BCAS3: variants seen among roughly 807,000 people sequenced by gnomAD.
BCAS3 encodes BCAS4/BCAS3 fusion.
BCAS3 carries 53 observed loss-of-function variants against 116.1 expected under a neutral mutation model. That is an observed-to-expected ratio of 0.46 (90% CI 0.37 to 0.57). The LOEUF (loss-of-function observed/expected upper bound fraction) is 0.57. Ranked by LOEUF, BCAS3 falls within the 20% of genes least tolerant of loss-of-function variation. BCAS3 has a pLI of 0.00. For missense variants in BCAS3, 917 were observed against 1,165.4 expected (o/e 0.79, Z 3.10); for synonymous variants, 391 against 408.2 (o/e 0.96, Z 0.51).
intron 23 of BCAS3, chr17:61,389,418 G>C (rs1190838098): frequency 6.6e-6 from 1 of 152,506 alleles, no homozygotes; most frequent in African/African-American, 2.4e-5. Context: ...TTCAGACCTT[G>C]CCCTGGGAAC....
chr17:61,222,144 T>G lies in BCAS3; in HGVS notation c.2425+137580T>G, dbSNP rs1020106647. Among the ~76,000 whole-genome samples the G allele has an allele frequency of 6.6e-6, 1 of 152,138 alleles. No homozygotes were observed. The highest frequency in any genetic ancestry group is 6.5e-5 in the Admixed American group (1 of 15,282). On this transcript the variant is annotated intron_variant, in intron 22 of 23. Transcript: ENST00000407086. This position sits in a 1 kb window ranked among gnomAD's most constrained non-coding sequence, Gnocchi z 6.1. ...AGTCATGCCGACATAGATACAAATA[T>G]AGAGAACATATAGTGGCAGAATAAA...
Position 61,326,027 on chromosome 17 carries a change from A to C in BCAS3, c.2426-42300A>C, listed in dbSNP as rs992996198. Reference sequence around the variant, plus strand: ...TTTGTTTGGCATCCATCAAATCTCTATAAATGCTAACTGTGTGTGCTATTA... The same window carrying C: ...TTTGTTTGGCATCCATCAAATCTCTCTAAATGCTAACTGTGTGTGCTATTA... On this transcript the variant is annotated intron_variant, in intron 22 of 23. Coordinates refer to ENST00000407086, the MANE Select transcript of BCAS3 (RefSeq NM_017679.5). This position sits in a 1 kb window ranked among gnomAD's most constrained non-coding sequence, Gnocchi z 5.3. Among the ~76,000 whole-genome samples, 1 of 152,236 alleles carries C rather than the reference A, an allele frequency of 6.6e-6. No individual in the cohort carries two copies. The highest frequency in any genetic ancestry group is 1.5e-5 in the Non-Finnish European group (1 of 68,042).
At position 61,363,920 on chromosome 17, in the gene BCAS3, A is replaced by C. The variant is rs1306072795; in HGVS notation, c.2426-4407A>C. On this transcript the variant is annotated intron_variant, in intron 22 of 23. Coordinates refer to ENST00000407086, the MANE Select transcript of BCAS3 (RefSeq NM_017679.5). This position sits in a 1 kb window ranked among gnomAD's most constrained non-coding sequence, Gnocchi z 4.9. ...TTTCCAAGAGCCCAGAGATGACCTC[A>C]CCCTCCAAGGGCTTGGCCTCTTCAC... Among the ~76,000 whole-genome samples the C allele has an allele frequency of 1.3e-5, 2 of 152,090 alleles. No homozygotes were observed. Among genetic ancestry groups the C allele is most frequent in the Non-Finnish European group, 1.5e-5 (1 of 68,016 alleles).
rs757211356 is a variant in BCAS3, at chr17:61,204,266, A to T, written c.2425+119702A>T. ...TATTTGTGCTAAACCAAATTCTCCT[A>T]CAAGGTATTGCTCTGTATTCAAATG... On this transcript the variant is annotated intron_variant, in intron 22 of 23. Coordinates refer to ENST00000407086, the MANE Select transcript of BCAS3 (RefSeq NM_017679.5). The surrounding 1 kb of genome is among the most constrained non-coding windows in gnomAD (Gnocchi z 4.2). 6.6e-5 allele frequency among the ~76,000 whole-genome samples: 10 copies of T among 152,186 alleles called. No homozygotes were observed. The highest frequency in any genetic ancestry group is 1.0e-4 in the Non-Finnish European group (7 of 68,030).
At chr17:61,329,253 C>T (rs2056010333) in intron 22 of BCAS3, among the ~76,000 whole-genome samples, 1 of 151,988 alleles carries the variant, frequency 6.6e-6, no homozygotes, top group Admixed American at 6.6e-5. Flanking sequence ...AAATGTGCCC[C>T]ACCGCCAAAT....
chr17:60,748,886 A>G (rs2042217175), intron 6 of BCAS3: 1 of 152,172 alleles, frequency 6.6e-6, no homozygotes, highest in Non-Finnish European at 1.5e-5. Flanking sequence ...TTATGATTTG[A>G]ACAAATTACT....
intron 4 of BCAS3, among the ~76,000 whole-genome samples, chr17:60,697,518 G>A (rs1208783043): frequency 6.6e-6 from 1 of 151,404 alleles, no homozygotes; most frequent in Admixed American, 6.6e-5. Context: ...AGGAGGTGGA[G>A]GTTGCAGTGA....
intron 6 of BCAS3, among the ~76,000 whole-genome samples, chr17:60,789,152 C>A (rs976625344): frequency 6.6e-6 from 1 of 152,116 alleles, no homozygotes; most frequent in Non-Finnish European, 1.5e-5. Context: ...TGCATAAAAT[C>A]TTCACATTGA....
Position 61,011,141 on chromosome 17 carries a change from G to A in BCAS3, c.1487-4610G>A, listed in dbSNP as rs901589584. Among the ~76,000 whole-genome samples, 5 of 149,362 alleles carry A rather than the reference G, an allele frequency of 3.3e-5. No homozygotes were observed. The East Asian group carries it at 9.7e-4, about 29-fold the overall frequency. ...CTCTGTTCTTTTTCATTGTACTCAT[G>A]CAATAAAGGAAAAAATAGAAGAGTA... On this transcript the variant is annotated intron_variant, in intron 15 of 23. Coordinates refer to ENST00000407086, the MANE Select transcript of BCAS3 (RefSeq NM_017679.5).
Position 61,381,930 on chromosome 17 carries a change from A to G in BCAS3, c.2594-10047A>G, listed in dbSNP as rs1671864552. ...ATCCCCAACTGGTCATCCTCTCCCC[A>G]ACCTTCATTGGTCTCTGGGTAGCAG... On this transcript the variant is annotated intron_variant, in intron 23 of 23. Transcript: ENST00000407086. This position sits in a 1 kb window ranked among gnomAD's most constrained non-coding sequence, Gnocchi z 6.0. Among the ~76,000 whole-genome samples, 1 of 152,146 alleles carries G rather than the reference A, an allele frequency of 6.6e-6. No homozygotes were observed. The highest frequency in any genetic ancestry group is 1.5e-5 in the Non-Finnish European group (1 of 68,024).
chr17:61,234,570 C>T (rs1184243142), intron 22 of BCAS3, among the ~76,000 whole-genome samples: 1 of 152,146 alleles, frequency 6.6e-6, no homozygotes, highest in Non-Finnish European at 1.5e-5. Flanking sequence ...CTTTGGTGGG[C>T]TTCCCTCTAG....
At chr17:60,890,452 C>T (rs1175653622) in intron 10 of BCAS3, among the ~76,000 whole-genome samples, 2 of 147,198 alleles carry the variant, frequency 1.4e-5, no homozygotes, top group South Asian at 4.3e-4. Flanking sequence ...GACCCTGTCT[C>T]AAAAAAGGAA....
Position 60,709,333 on chromosome 17 carries a change from C to T in BCAS3, c.321+8C>T, listed in dbSNP as rs2037563183. ...CAGGTCTGGAGCATCCCTGTAAGTACACATGTGGTTGAATACCTAAAACAT... is the reference window on the plus strand; with the variant it reads ...CAGGTCTGGAGCATCCCTGTAAGTATACATGTGGTTGAATACCTAAAACAT... On this transcript the variant is annotated splice_region_variant and intron_variant, in intron 5 of 23. Coordinates refer to ENST00000407086, the MANE Select transcript of BCAS3 (RefSeq NM_017679.5). 1 of 1,497,488 alleles carries T rather than the reference C, an allele frequency of 6.7e-7. No individual in the cohort carries two copies. Among genetic ancestry groups the T allele is most frequent in the East Asian group, 2.3e-5 (1 of 44,276 alleles). The allele number at this position is 1,497,488 out of a possible 1,614,324, so 92.8% of individuals were successfully genotyped here. A position where few individuals can be genotyped will look rare whatever the true frequency, so the allele number is the denominator to read the frequency against.
At position 61,344,916 on chromosome 17, in the gene BCAS3, T is replaced by TAC. The variant is rs143541906; in HGVS notation, c.2426-23395_2426-23394dup. Among the ~76,000 whole-genome samples, 13,572 of 150,022 alleles carry TAC rather than the reference T, an allele frequency of 0.09. 759 individuals are homozygous for TAC. The highest frequency in any genetic ancestry group is 0.13 in the Non-Finnish European group (8,937 of 67,382). On this transcript the variant is annotated intron_variant, in intron 22 of 23. Coordinates refer to ENST00000407086, the MANE Select transcript of BCAS3 (RefSeq NM_017679.5). This position sits in a 1 kb window ranked among gnomAD's most constrained non-coding sequence, Gnocchi z 4.1. ...TATTTTATGATTCCTGGATCGGAAA[T>TAC]ACACACACACACACACATACACACA...
chr17:60,705,535 A>G (rs2037011194), intron 4 of BCAS3, among the ~76,000 whole-genome samples: 1 of 147,936 alleles, frequency 6.8e-6, no homozygotes, highest in African/African-American at 2.4e-5. Flanking sequence ...AAAAAAGAAA[A>G]GAAAATCATG....
At chr17:60,927,643 G>A (rs2059431813) in intron 13 of BCAS3, among the ~76,000 whole-genome samples, 1 of 152,124 alleles carries the variant, frequency 6.6e-6, no homozygotes, top group Non-Finnish European at 1.5e-5. Context: ...ATGGTGTATA[G>A]AGTTTCCTTG....
intron 5 of BCAS3, among the ~76,000 whole-genome samples, chr17:60,728,050 C>G (rs1282886470): frequency 6.6e-6 from 1 of 152,114 alleles, no homozygotes; most frequent in Non-Finnish European, 1.5e-5. Context: ...CTCAAGTGAT[C>G]TGCCCACCTC....
At chr17:61,067,265 G>A (rs1278302686) in intron 19 of BCAS3, among the ~76,000 whole-genome samples, 1 of 83,994 alleles carries the variant, frequency 1.2e-5, no homozygotes, top group Non-Finnish European at 2.0e-5. Context: ...TTATTTATGT[G>A]TGTATGTGTA....
intron 22 of BCAS3, among the ~76,000 whole-genome samples, chr17:61,296,238 G>A (rs1194833965): frequency 6.6e-6 from 1 of 152,168 alleles, no homozygotes; most frequent in Non-Finnish European, 1.5e-5. Context: ...GAGGTCATAT[G>A]CATTCTCCAA....
Sources: gnomAD v4.1 joint callset for allele counts (sites outside exome capture counted in the v4.1 genomes callset) on GRCh38, gnomAD v4.1.1 for gene constraint, Gnocchi (gnomAD v3.1) non-coding constraint, MANE v1.5 for transcripts, NCBI Gene and HGNC (gene_info 2026-07-23, HGNC 2026-07-21) for gene names.